The following DENND1A variants were observed in gnomAD, a reference collection of about 807,000 sequenced individuals.
DENND1A encodes DENN domain containing 1A.
A neutral mutation model predicts 113.7 loss-of-function variants in DENND1A; 51 were observed. The observed-to-expected ratio is 0.45, with a 90% CI of 0.36 to 0.57. DENND1A has a LOEUF of 0.57. DENND1A is among the 20% of genes least tolerant of loss of function. DENND1A has a pLI of 0.00. For missense variants in DENND1A, 1,258 were observed against 1,395.9 expected (o/e 0.90, Z 1.57); for synonymous variants, 565 against 570.8 (o/e 0.99, Z 0.14).
intron 8 of DENND1A, among the ~76,000 whole-genome samples, chr9:123,662,340 T>A (rs2063282665): frequency 6.6e-6 from 1 of 152,132 alleles, no homozygotes; most frequent in East Asian, 1.9e-4. Flanking sequence ...GGCAGGTGGA[T>A]CAATTGAGGT....
chr9:123,536,443 CAACAAG>C (rs1328978565), intron 13 of DENND1A, among the ~76,000 whole-genome samples: 1 of 121,128 alleles, frequency 8.3e-6, no homozygotes, highest in Admixed American at 9.0e-5. Flanking sequence ...CCAGCCTGGG[CAACAAG>C]AACAAAACTC....
chr9:123,862,376 A>G (rs1845178387), intron 2 of DENND1A, among the ~76,000 whole-genome samples: 1 of 152,234 alleles, frequency 6.6e-6, no homozygotes, highest in Non-Finnish European at 1.5e-5. Flanking sequence ...AATTTCTCCC[A>G]CCAAGTCTTT....
chr9:123,649,857 A>C (rs1457770962), intron 9 of DENND1A, among the ~76,000 whole-genome samples: 1 of 152,230 alleles, frequency 6.6e-6, no homozygotes, highest in East Asian at 1.9e-4. Context: ...GCAAAATCAC[A>C]CAGAAGGTTC....
At chr9:123,914,646 C>A (rs1242423623) in intron 1 of DENND1A, among the ~76,000 whole-genome samples, 1 of 151,778 alleles carries the variant, frequency 6.6e-6, no homozygotes, top group Non-Finnish European at 1.5e-5. Context: ...CTGGCATCTG[C>A]TTCTGGAGAG....
At chr9:123,873,984 G>A (rs564579729) in intron 2 of DENND1A, among the ~76,000 whole-genome samples, 3 of 152,056 alleles carry the variant, frequency 2.0e-5, no homozygotes, top group East Asian at 1.9e-4. Context: ...CTTGTGATCC[G>A]CCCACCTTGA....
intron 13 of DENND1A, among the ~76,000 whole-genome samples, chr9:123,498,690 A>G (rs2052168485): frequency 1.3e-5 from 2 of 151,666 alleles, no homozygotes; most frequent in African/African-American, 4.8e-5. Context: ...ATTAGATGCA[A>G]TTTTGGGCAA....
At chr9:123,892,410 T>G (rs1045807926) in intron 1 of DENND1A, among the ~76,000 whole-genome samples, 11 of 152,178 alleles carry the variant, frequency 7.2e-5, no homozygotes, top group African/African-American at 2.7e-4. Flanking sequence ...GAGCACATTA[T>G]TTCAAAGTAA....
At chr9:123,407,411 C>T (rs532022022) in intron 20 of DENND1A, among the ~76,000 whole-genome samples, 6 of 152,224 alleles carry the variant, frequency 3.9e-5, no homozygotes, top group Admixed American at 1.3e-4. Context: ...CAGAGGCACG[C>T]GCAAGAGGTG....
chr9:123,919,936 A>T (rs1855924139), intron 1 of DENND1A, among the ~76,000 whole-genome samples: 1 of 152,024 alleles, frequency 6.6e-6, no homozygotes, highest in Non-Finnish European at 1.5e-5. Flanking sequence ...ATTTGCTTCA[A>T]AATAATCCAG....
chr9:123,751,790 AT>A, intron 5 of DENND1A: 1 of 151,996 alleles, frequency 6.6e-6, no homozygotes, highest in Non-Finnish European at 1.5e-5. Context: ...CTGTTCTCCC[AT>A]TTTCCTCCAG....
chr9:123,574,039 A>G (rs762363247), intron 12 of DENND1A, among the ~76,000 whole-genome samples: 5 of 151,806 alleles, frequency 3.3e-5, no homozygotes, highest in African/African-American at 1.2e-4. Flanking sequence ...AATAGATTAC[A>G]TGGTTTTTCA....
rs1590289126 is a variant in DENND1A, at chr9:123,835,160, A to ATT, written c.89-42531_89-42530insAA. Among the ~76,000 whole-genome samples the ATT allele has an allele frequency of 2.6e-5, 4 of 152,240 alleles. No individual in the cohort carries two copies. In the East Asian group the frequency reaches 7.7e-4, roughly 29 times the overall value. On this transcript the variant is annotated intron_variant, in intron 2 of 23. Transcript: ENST00000394215. ...TCTCTTCTATTATACTCGGTGAACT[A>ATT]ATCAGGACAATGAAACCAAATAAAA... is the stretch of plus-strand genomic sequence containing the variant.
Position 123,449,533 on chromosome 9 carries a change from C to CAAAAA in DENND1A, c.1356+1155_1356+1159dup, listed in dbSNP as rs34903069. On this transcript the variant is annotated intron_variant, in intron 18 of 23. Coordinates refer to ENST00000394215, the MANE Select transcript of DENND1A (RefSeq NM_001352964.2). Reference sequence around the variant, plus strand: ...ATGGCAACACAGTGAGACTCCGTCTCAAAAAAAAAAAAAAAAGGTGGCAAC... The same window carrying CAAAAA: ...ATGGCAACACAGTGAGACTCCGTCTCAAAAAAAAAAAAAAAAAAAAAGGTGGCAAC... Among the ~76,000 whole-genome samples the CAAAAA allele has an allele frequency of 6.1e-3, 445 of 72,612 alleles. 9 individuals are homozygous for CAAAAA. The highest frequency in any genetic ancestry group is 0.019 in the African/African-American group (395 of 20,476). The allele number at this position is 72,612 out of a possible 152,430, so 47.6% of individuals were successfully genotyped here. A position where few individuals can be genotyped will look rare whatever the true frequency, so the allele number is the denominator to read the frequency against.
chr9:123,899,041 C>A (rs1188008866), intron 1 of DENND1A, among the ~76,000 whole-genome samples: 1 of 152,200 alleles, frequency 6.6e-6, no homozygotes, highest in Non-Finnish European at 1.5e-5. Context: ...CTCTTCTATT[C>A]CCCGAGGCTC....
intron 1 of DENND1A, 89 bp from the exon 2 acceptor site, chr9:123,879,110 T>G: frequency 7.6e-7 from 1 of 1,310,008 alleles, no homozygotes; most frequent in Non-Finnish European, 1.1e-6. Flanking sequence ...AGATCTTCCT[T>G]GAAATCATTA....
chr9:123,677,825 T>C (rs566860873), intron 5 of DENND1A, among the ~76,000 whole-genome samples: 2 of 152,204 alleles, frequency 1.3e-5, no homozygotes, highest in East Asian at 1.9e-4. Flanking sequence ...CCAGTCCACA[T>C]TTGTTAGGAT....
At chr9:123,655,380 C>G (rs138086299) in intron 8 of DENND1A, among the ~76,000 whole-genome samples, 117 of 152,154 alleles carry the variant, frequency 7.7e-4, no homozygotes, top group East Asian at 3.1e-3. Flanking sequence ...AGGAATGCAC[C>G]AGCCCAGAAG....
chr9:123,429,198 C>T (rs2045956835), intron 19 of DENND1A, among the ~76,000 whole-genome samples: 1 of 152,076 alleles, frequency 6.6e-6, no homozygotes, highest in African/African-American at 2.4e-5. Context: ...AGATATAGAC[C>T]AATGGAACAG....
chr9:123,516,027 T>C (rs956151965), intron 13 of DENND1A, among the ~76,000 whole-genome samples: 1 of 151,776 alleles, frequency 6.6e-6, no homozygotes, highest in Non-Finnish European at 1.5e-5. Flanking sequence ...TGAGCCATGA[T>C]TGTGCCACTG....
Sources: gnomAD v4.1 joint callset for allele counts (sites outside exome capture counted in the v4.1 genomes callset) on GRCh38, gnomAD v4.1.1 for gene constraint, MANE v1.5 for transcripts, NCBI Gene and HGNC (gene_info 2026-07-23, HGNC 2026-07-21) for gene names.